Variants in FYB1 observed in about 807,000 individuals in gnomAD.
The protein encoded by FYB1 is FYN binding protein 1.
In FYB1, 41 loss-of-function variants were observed where a neutral mutation model predicts 94.1. The ratio of observed to expected loss-of-function variants is 0.44; its 90% CI spans 0.34 to 0.57. The LOEUF (loss-of-function observed/expected upper bound fraction) is 0.57, where lower values mean the gene tolerates loss of function less well. Ranked by LOEUF, FYB1 falls within the 20% of genes least tolerant of loss-of-function variation. The pLI is 0.02. For missense variants in FYB1, 1,050 were observed against 976.8 expected (o/e 1.07, Z -1.00); for synonymous variants, 367 against 353.2 (o/e 1.04, Z -0.44).
At chr5:39,113,007 T>C (rs1420640338) in intron 16 of FYB1, among the ~76,000 whole-genome samples, 3 of 152,142 alleles carry the variant, frequency 2.0e-5, no homozygotes, top group African/African-American at 7.2e-5. Context: ...GTCACAATTA[T>C]ATAGCATTTT....
chr5:39,233,020 A>G lies in FYB1; in HGVS notation c.-27-30033T>C, dbSNP rs577485592. The stretch of plus-strand genomic sequence containing the variant: ...CTTTGCTATTGTGAATAATGCCGCA[A>G]GAAACATACGTGTGCATGTGTCTTT... On this transcript the variant is annotated intron_variant, in intron 1 of 1. Transcript: ENST00000510188. Among the ~76,000 whole-genome samples the G allele has an allele frequency of 1.0e-2, 1,518 of 152,194 alleles. 19 individuals are homozygous for G. The highest frequency in any genetic ancestry group is 0.032 in the African/African-American group (1,330 of 41,476).
chr5:39,155,637 A>G (rs1356021838), intron 2 of FYB1, among the ~76,000 whole-genome samples: 1 of 152,202 alleles, frequency 6.6e-6, no homozygotes, highest in Non-Finnish European at 1.5e-5. Flanking sequence ...ACAGATAATT[A>G]TAAACAGTAC....
chr5:39,220,187 T>G (rs1173253468), upstream of FYB1, among the ~76,000 whole-genome samples: 1 of 151,562 alleles, frequency 6.6e-6, no homozygotes, highest in African/African-American at 2.4e-5. Flanking sequence ...GGCAGGAGGA[T>G]TGCTTGAGAC....
At chr5:39,256,327 T>C (rs1353764150) in intron 1 of FYB1, among the ~76,000 whole-genome samples, 1 of 152,192 alleles carries the variant, frequency 6.6e-6, no homozygotes, top group Non-Finnish European at 1.5e-5. Flanking sequence ...CCACCTTTTT[T>C]TGGTGTATGT....
At chr5:39,132,329 A>G (rs1210480758) in intron 9 of FYB1, among the ~76,000 whole-genome samples, 1 of 152,210 alleles carries the variant, frequency 6.6e-6, no homozygotes, top group Non-Finnish European at 1.5e-5. Flanking sequence ...CTAAGAACAA[A>G]GCATGTTCTG....
rs570124730 is a variant in FYB1, at chr5:39,192,579, A to G, written c.1135+9247T>C. Among the ~76,000 whole-genome samples, 16 of 152,268 alleles carry G rather than the reference A, an allele frequency of 1.1e-4. No homozygotes were observed. In the South Asian group the frequency reaches 2.7e-3, roughly 26 times the overall value. ...GTTTTATCCTCTTGATTGCAGGAAG[A>G]GTTCTTATAACAAGGGCAAATCATG... On this transcript the variant is annotated intron_variant, in intron 2 of 18. Transcript: ENST00000512982.
intron 1 of FYB1, among the ~76,000 whole-genome samples, chr5:39,247,120 A>G (rs1180356024): frequency 2.9e-5 from 4 of 138,788 alleles, no homozygotes; most frequent in Admixed American, 2.2e-4. Flanking sequence ...ATATATGACT[A>G]TATACCATTT....
chr5:39,118,605 T>G (rs888361539), intron 16 of FYB1, among the ~76,000 whole-genome samples: 18 of 152,190 alleles, frequency 1.2e-4, no homozygotes, highest in African/African-American at 4.3e-4. Flanking sequence ...GCTGATGGTC[T>G]GTAGTACTGC....
chr5:39,197,229 G>A (rs983439545), intron 2 of FYB1, among the ~76,000 whole-genome samples: 20 of 152,144 alleles, frequency 1.3e-4, no homozygotes, highest in South Asian at 2.1e-4. Context: ...TTTTGCTCCC[G>A]TCAATAACTA....
chr5:39,197,720 A>T (rs1224751176), intron 2 of FYB1, among the ~76,000 whole-genome samples: 2 of 152,214 alleles, frequency 1.3e-5, no homozygotes, highest in African/African-American at 4.8e-5. Context: ...GCTGAGTCAG[A>T]TGCCTTCGCT....
intron 2 of FYB1, among the ~76,000 whole-genome samples, chr5:39,162,649 C>T (rs934502890): frequency 4.6e-5 from 7 of 151,708 alleles, no homozygotes; most frequent in South Asian, 4.2e-4. Context: ...GGTGCCACTG[C>T]ACTCCAGCCT....
intron 2 of FYB1, among the ~76,000 whole-genome samples, chr5:39,197,885 A>C (rs1057224205): frequency 6.6e-6 from 1 of 152,236 alleles, no homozygotes. Flanking sequence ...CCTCTCTTCC[A>C]ACAATCATTG....
At chr5:39,153,837 C>T (rs1481072117) in intron 2 of FYB1, among the ~76,000 whole-genome samples, 1 of 152,004 alleles carries the variant, frequency 6.6e-6, no homozygotes, top group African/African-American at 2.4e-5. Context: ...GCAGTGGCTC[C>T]ATCATGGTTC....
chr5:39,111,414 C>A (rs1178786756), intron 16 of FYB1, among the ~76,000 whole-genome samples: 2 of 151,508 alleles, frequency 1.3e-5, no homozygotes, highest in African/African-American at 4.8e-5. Flanking sequence ...AGCTCATAAG[C>A]AAAAATTAAT....
chr5:39,158,265 A>G (rs968875531), intron 2 of FYB1, among the ~76,000 whole-genome samples: 2 of 152,242 alleles, frequency 1.3e-5, no homozygotes, highest in Non-Finnish European at 2.9e-5. Flanking sequence ...TCCCCTGCTC[A>G]GGCATGCTGG....
Position 39,231,288 on chromosome 5 carries a change from G to A in FYB1, c.-27-28301C>T, listed in dbSNP as rs1157775811. 2.0e-5 allele frequency among the ~76,000 whole-genome samples: 3 copies of A among 152,034 alleles called. No homozygotes were observed. The South Asian group carries it at 6.2e-4, about 31-fold the overall frequency. On this transcript the variant is annotated intron_variant, in intron 1 of 1. Transcript: ENST00000510188. Reference sequence around the variant, plus strand: ...ATCCTCAATTCCATGAATTCAATTAGGGAACACATTCAAAAGCACCTGGCA... The same window carrying A: ...ATCCTCAATTCCATGAATTCAATTAAGGAACACATTCAAAAGCACCTGGCA...
chr5:39,124,289 A>G lies in FYB1; in HGVS notation c.2046-11T>C, dbSNP rs761149664. ...GGAGGAGCAGGGAAACTACAAAGAA[A>G]GTGAGAACACAATTATAATCAGACT... On this transcript the variant is annotated splice_polypyrimidine_tract_variant and intron_variant, in intron 12 of 18. Coordinates refer to ENST00000512982, the MANE Select transcript of FYB1 (RefSeq NM_001465.6). 2 of 1,547,098 alleles carry G rather than the reference A, an allele frequency of 1.3e-6. No individual in the cohort carries two copies. Among genetic ancestry groups the G allele is most frequent in the Non-Finnish European group, 1.7e-6 (2 of 1,147,036 alleles).
intron 2 of FYB1, among the ~76,000 whole-genome samples, chr5:39,199,113 TTTAA>T (rs1748089387): frequency 6.6e-6 from 1 of 151,576 alleles, no homozygotes; most frequent in South Asian, 2.1e-4. Context: ...TATATTATTA[TTTAA>T]TTATTTAATA....
rs768551153 is a variant in FYB1, at chr5:39,138,669, G to C, written c.1382C>G (p.Thr461Arg). The C allele has an allele frequency of 6.6e-7, 1 of 1,523,484 alleles. No individual in the cohort carries two copies. Among genetic ancestry groups the C allele is most frequent in the Non-Finnish European group, 9.0e-7 (1 of 1,106,128 alleles). The allele number at this position is 1,523,484 out of a possible 1,614,324, so 94.4% of individuals were successfully genotyped here. A position where few individuals can be genotyped will look rare whatever the true frequency, so the allele number is the denominator to read the frequency against. Residue 461 changes from threonine (T) to arginine (R), a missense_variant, in exon 6 of 19, where the codon ACA (threonine) becomes AGA (arginine). Physicochemically the swap from Thr to Arg is moderately conservative, Grantham distance 71. Transcript: ENST00000512982. ...ATGTAATTCATACATGTCTTCATATGTTTCTCCTTCACTGTCTTGTTCCTG... is the reference window on the plus strand; with the variant it reads ...ATGTAATTCATACATGTCTTCATATCTTTCTCCTTCACTGTCTTGTTCCTG... Reference protein sequence around the residue: ...LDEEQDSEGETYEDIEASKER... With the variant: ...LDEEQDSEGERYEDIEASKER...
Sources: allele counts gnomAD v4.1 joint callset (sites outside exome capture counted in the v4.1 genomes callset), GRCh38; gene constraint gnomAD v4.1.1; transcripts MANE v1.5; gene names NCBI Gene and HGNC (gene_info 2026-07-23, HGNC 2026-07-21).